Variants in MKLN1 observed in about 807,000 individuals in gnomAD.
The protein encoded by MKLN1 is muskelin.
A neutral mutation model predicts 99.0 loss-of-function variants in MKLN1; 18 were observed. The ratio of observed to expected loss-of-function variants is 0.18; its 90% CI spans 0.13 to 0.27. MKLN1 has a LOEUF of 0.27. Ranked by LOEUF, MKLN1 falls within the 10% of genes least tolerant of loss-of-function variation. The pLI is 1.00. For synonymous variants in MKLN1, 288 were observed against 293.2 expected, an observed-to-expected ratio of 0.98 and a Z score of 0.18; for missense variants, 621 against 875.9, an observed-to-expected ratio of 0.71 and a Z score of 3.67.
At chr7:131,359,247 A>G (rs945431662) in intron 1 of MKLN1, among the ~76,000 whole-genome samples, 1 of 152,160 alleles carries the variant, frequency 6.6e-6, no homozygotes, top group African/African-American at 2.4e-5. Flanking sequence ...TTTTAAATTT[A>G]TCTGGAGACT....
At position 131,319,549 on chromosome 7, in the gene MKLN1, T is replaced by C. The variant is rs183831324; in HGVS notation, c.-178-55875T>C. 2.9e-4 allele frequency among the ~76,000 whole-genome samples: 44 copies of C among 152,290 alleles called. No homozygotes were observed. In the East Asian group the frequency reaches 8.5e-3, roughly 29 times the overall value. ...AAACTGGCACAAGACAAGGATGCCC[T>C]CTCTCACCACTCCTATTCAACATAG... is the stretch of plus-strand genomic sequence containing the variant. On this transcript the variant is annotated intron_variant, in intron 3 of 7. Coordinates refer to the MKLN1 transcript ENST00000416992.
intron 3 of MKLN1, among the ~76,000 whole-genome samples, chr7:131,387,488 C>A (rs533702420): frequency 2.0e-5 from 3 of 152,042 alleles, no homozygotes; most frequent in African/African-American, 7.2e-5. Flanking sequence ...AAAGAAGAAA[C>A]AAACTTTTTT....
Position 131,484,077 on chromosome 7 carries a change from C to G in MKLN1, c.2087-3530C>G, listed in dbSNP as rs948285217. On this transcript the variant is annotated intron_variant, in intron 17 of 17. Transcript: ENST00000352689. ...TTAAGTTAATGATGTGGCTTGTAGACGTTTTTATGAAGCTACACTAGATCA... is the reference window on the plus strand; with the variant it reads ...TTAAGTTAATGATGTGGCTTGTAGAGGTTTTTATGAAGCTACACTAGATCA... 2.6e-5 allele frequency among the ~76,000 whole-genome samples: 4 copies of G among 151,918 alleles called. No individual in the cohort carries two copies. The South Asian group carries it at 8.3e-4, about 32-fold the overall frequency.
At chr7:131,345,904 ATATACT>A (rs1401858314) in intron 1 of MKLN1, among the ~76,000 whole-genome samples, 2 of 152,224 alleles carry the variant, frequency 1.3e-5, no homozygotes, top group Non-Finnish European at 2.9e-5. Context: ...TTGGTCAATA[ATATACT>A]TATGAAATTG....
chr7:131,385,002 C>T (rs1232967155), intron 2 of MKLN1, among the ~76,000 whole-genome samples: 2 of 152,124 alleles, frequency 1.3e-5, no homozygotes, highest in Non-Finnish European at 2.9e-5. Context: ...TTTCATTGTC[C>T]ACAAAGAAAC....
At chr7:131,415,078 C>G (rs1456410041) in intron 8 of MKLN1, among the ~76,000 whole-genome samples, 1 of 151,280 alleles carries the variant, frequency 6.6e-6, no homozygotes, top group Non-Finnish European at 1.5e-5. Flanking sequence ...TGTTCACAAG[C>G]CTGTAAATAA....
At chr7:131,209,761 C>T (rs1796873077) in intron 3 of MKLN1, among the ~76,000 whole-genome samples, 1 of 152,138 alleles carries the variant, frequency 6.6e-6, no homozygotes, top group Non-Finnish European at 1.5e-5. Context: ...TACTCAATCC[C>T]CTCATCTCCT....
At chr7:131,301,832 C>A (rs1288708603) in intron 3 of MKLN1, among the ~76,000 whole-genome samples, 2 of 152,134 alleles carry the variant, frequency 1.3e-5, no homozygotes, top group East Asian at 3.9e-4. Context: ...CTGCCCATCA[C>A]CTGTGCTGAT....
chr7:131,304,744 CAT>C (rs1798429764), intron 3 of MKLN1, among the ~76,000 whole-genome samples: 1 of 152,140 alleles, frequency 6.6e-6, no homozygotes, highest in Non-Finnish European at 1.5e-5. Context: ...TAACCAATCA[CAT>C]AGAGAGCTAT....
chr7:131,208,993 G>T (rs571610487), intron 3 of MKLN1, among the ~76,000 whole-genome samples: 1 of 152,198 alleles, frequency 6.6e-6, no homozygotes, highest in Non-Finnish European at 1.5e-5. Context: ...CCTGTCTGAA[G>T]TGATGACATT....
At chr7:131,194,855 G>A (rs1046513168) in intron 2 of MKLN1, among the ~76,000 whole-genome samples, 1 of 152,204 alleles carries the variant, frequency 6.6e-6, no homozygotes, top group African/African-American at 2.4e-5. Context: ...CTGAAATGCA[G>A]ACGATTATGT....
chr7:131,457,824 G>A (rs1195584642), intron 12 of MKLN1, among the ~76,000 whole-genome samples: 3 of 152,072 alleles, frequency 2.0e-5, no homozygotes, highest in Non-Finnish European at 2.9e-5. Context: ...GCTGAGGTAG[G>A]AGAATTGCTT....
At chr7:131,211,078 C>G (rs917030012) in intron 3 of MKLN1, among the ~76,000 whole-genome samples, 34 of 152,026 alleles carry the variant, frequency 2.2e-4, no homozygotes, top group Non-Finnish European at 3.7e-4. Flanking sequence ...GCTGTATTTC[C>G]TCTCCTGATA....
chr7:131,487,783 G>T lies in MKLN1; in HGVS notation c.*55G>T, dbSNP rs893178779. On this transcript the variant is annotated 3_prime_UTR_variant, in exon 18 of 18. Coordinates refer to ENST00000352689, the MANE Select transcript of MKLN1 (RefSeq NM_013255.5). This position sits in a 1 kb window ranked among gnomAD's most constrained non-coding sequence, Gnocchi z 4.7. ...AACAGGAGTCGATTTTCCGTCTTTT[G>T]GATTGCAGCTCCACTGACTGACAGT... The T allele has an allele frequency of 6.3e-7, 1 of 1,587,964 alleles. No homozygotes were observed. The highest frequency in any genetic ancestry group is 1.7e-5 in the Admixed American group (1 of 58,242).
chr7:131,343,842 G>A (rs1465102877), intron 1 of MKLN1, among the ~76,000 whole-genome samples: 1 of 151,962 alleles, frequency 6.6e-6, no homozygotes, highest in African/African-American at 2.4e-5. Context: ...TAATCTTCTG[G>A]CAGATATCTA....
At chr7:131,323,897 A>T (rs1267636377), upstream of MKLN1, 5 of 152,216 alleles carry the variant, frequency 3.3e-5, no homozygotes, top group Non-Finnish European at 7.4e-5. Flanking sequence ...TACACATTTC[A>T]GTTAGGAACT....
At chr7:131,386,188 A>G (rs907770071) in intron 2 of MKLN1, among the ~76,000 whole-genome samples, 4 of 151,822 alleles carry the variant, frequency 2.6e-5, no homozygotes, top group African/African-American at 9.7e-5. Context: ...TAATTTTTGT[A>G]TTTTTAGTAA....
chr7:131,479,779 A>G (rs1797066640), intron 17 of MKLN1, among the ~76,000 whole-genome samples: 1 of 151,954 alleles, frequency 6.6e-6, no homozygotes. Flanking sequence ...GTGAGCCGAG[A>G]TTGCGCCACT....
At chr7:131,254,752 A>G (rs1209570636) in intron 3 of MKLN1, among the ~76,000 whole-genome samples, 1 of 152,192 alleles carries the variant, frequency 6.6e-6, no homozygotes, top group Admixed American at 6.5e-5. Context: ...AATCTCAAGA[A>G]GAGAGAAAAA....
Sources: gnomAD v4.1 joint callset for allele counts (sites outside exome capture counted in the v4.1 genomes callset) on GRCh38, gnomAD v4.1.1 for gene constraint, Gnocchi (gnomAD v3.1) non-coding constraint, MANE v1.5 for transcripts, NCBI Gene and HGNC (gene_info 2026-07-23, HGNC 2026-07-21) for gene names.